The following BAZ1A variants were observed in gnomAD, a reference collection of about 807,000 sequenced individuals.
BAZ1A encodes bromodomain adjacent to zinc finger domain 1A, also known as bromodomain adjacent to zinc finger domain protein 1A.
Under a neutral mutation model 185.2 loss-of-function variants are expected in BAZ1A, and 50 were observed. The observed-to-expected ratio is 0.27, with a 90% confidence interval of 0.22 to 0.34. The LOEUF (loss-of-function observed/expected upper bound fraction) is 0.34, where lower values mean the gene tolerates loss of function less well. Ranked by LOEUF, BAZ1A falls within the 10% of genes least tolerant of loss-of-function variation. The pLI is 1.00. For missense variants in BAZ1A, 1,356 were observed against 1,839.9 expected (o/e 0.74, Z 4.81); for synonymous variants, 571 against 615.6 (o/e 0.93, Z 1.07).
At chr14:34,790,724 A>G (rs1292516043) in intron 12 of BAZ1A, among the ~76,000 whole-genome samples, 1 of 152,180 alleles carries the variant, frequency 6.6e-6, no homozygotes, top group Non-Finnish European at 1.5e-5. Context: ...ACAGAGCATT[A>G]AAACTTTTAT....
chr14:34,756,633 T>C (rs982712633), intron 25 of BAZ1A, among the ~76,000 whole-genome samples: 3 of 151,800 alleles, frequency 2.0e-5, no homozygotes, highest in Non-Finnish European at 4.4e-5. Flanking sequence ...GCTCAGCTAA[T>C]TTTTGCATTT....
intron 3 of BAZ1A, among the ~76,000 whole-genome samples, chr14:34,834,805 C>T (rs946114915): frequency 6.6e-6 from 1 of 152,098 alleles, no homozygotes; most frequent in East Asian, 1.9e-4. Context: ...AAGAAGTTTA[C>T]AGGGGTGTAT....
chr14:34,866,410 C>G, intron 2 of BAZ1A, among the ~76,000 whole-genome samples: 1 of 147,840 alleles, frequency 6.8e-6, no homozygotes. Flanking sequence ...AGCACTTCAG[C>G]CCGTGAGGCC....
rs534409006 is a variant in BAZ1A at position 34,808,847 on chromosome 14, C to G, written c.639-1309G>C. On this transcript the variant is annotated intron_variant, in intron 5 of 26. Transcript: ENST00000360310. The stretch of plus-strand genomic sequence containing the variant: ...AAAAAGTAAATGTTTTAATTGAGTT[C>G]AATATATTCCTTTCAAGAAAAAGCC... Among the ~76,000 whole-genome samples the G allele has an allele frequency of 2.6e-5, 4 of 152,068 alleles. No homozygotes were observed. The South Asian group carries it at 8.3e-4, about 32-fold the overall frequency.
Position 34,776,289 on chromosome 14 carries a change from A to G in BAZ1A, c.2463T>C (p.Pro821=), listed in dbSNP as rs754423744. ...YRRYWIFPSI[P]GLFIEEDYSG... ...AATAATCCTCTTCAATAAAGAGTCC[A>G]GGAATAGAAGGGAAAATCCAGTATC... Residue 821 remains proline, a synonymous_variant, in exon 18 of 27, where the codon CCT becomes CCC. Transcript: ENST00000360310. 11 of 1,613,734 alleles carry G rather than the reference A, an allele frequency of 6.8e-6. No individual in the cohort carries two copies. The highest frequency in any genetic ancestry group is 6.7e-5 in the Admixed American group (4 of 59,954).
chr14:34,772,415 G>GCC (rs1879284950), intron 20 of BAZ1A, among the ~76,000 whole-genome samples: 1 of 151,938 alleles, frequency 6.6e-6, no homozygotes, highest in Non-Finnish European at 1.5e-5. Flanking sequence ...CAAGTAGCCC[G>GCC]CCCATGTACT....
intron 3 of BAZ1A, among the ~76,000 whole-genome samples, chr14:34,848,970 G>T (rs753555631): frequency 6.6e-6 from 1 of 152,138 alleles, no homozygotes; most frequent in Non-Finnish European, 1.5e-5. Flanking sequence ...AGCTTTTTAG[G>T]AACAGTTTAA....
intron 6 of BAZ1A, among the ~76,000 whole-genome samples, chr14:34,803,482 A>G (rs942880907): frequency 6.6e-6 from 1 of 152,056 alleles, no homozygotes; most frequent in Non-Finnish European, 1.5e-5. Context: ...TTTTTCCACT[A>G]TATAATTAAT....
At chr14:34,828,293 CA>C (rs369878009) in intron 3 of BAZ1A, among the ~76,000 whole-genome samples, 3,031 of 83,458 alleles carry the variant, frequency 0.036, 19 homozygotes, top group African/African-American at 0.064. Context: ...AACTCCGTCT[CA>C]AAAAAAAAAA....
At chr14:34,859,123 T>C (rs1043166960) in intron 3 of BAZ1A, among the ~76,000 whole-genome samples, 1 of 152,178 alleles carries the variant, frequency 6.6e-6, no homozygotes, top group Non-Finnish European at 1.5e-5. Flanking sequence ...TCACACTTCA[T>C]AGGACAGTGT....
intron 16 of BAZ1A, among the ~76,000 whole-genome samples, chr14:34,782,598 G>T (rs1331918611): frequency 6.6e-6 from 1 of 152,136 alleles, no homozygotes; most frequent in East Asian, 1.9e-4. Context: ...TGTGACCTAA[G>T]ATCTTAAGGC....
intron 9 of BAZ1A, among the ~76,000 whole-genome samples, chr14:34,797,966 C>G (rs1179795815): frequency 6.6e-6 from 1 of 152,256 alleles, no homozygotes; most frequent in East Asian, 1.9e-4. Context: ...ACACTCCTGC[C>G]CAAATACTGC....
Position 34,802,920 on chromosome 14 carries a change from G to A in BAZ1A, c.795C>T (p.Pro265=). Reference sequence around the variant, plus strand: ...TGTTAGCAGGACTGAAGATAAATGTGGGTGGATCATCAGGGAAGAAATAAG... The same window carrying A: ...TGTTAGCAGGACTGAAGATAAATGTAGGTGGATCATCAGGGAAGAAATAAG... ...DFSYFFPDDP[P]TFIFSPANRR... The change falls in exon 7 of 27, where the codon CCC becomes CCT. Residue 265 remains proline (P), a synonymous_variant. Coordinates refer to ENST00000360310, the MANE Select transcript of BAZ1A (RefSeq NM_013448.3). The A allele has an allele frequency of 6.2e-7, 1 of 1,612,542 alleles. No individual in the cohort carries two copies. Among genetic ancestry groups the A allele is most frequent in the Non-Finnish European group, 8.5e-7 (1 of 1,178,576 alleles).
At chr14:34,834,015 T>C (rs971653326) in intron 3 of BAZ1A, among the ~76,000 whole-genome samples, 23 of 152,122 alleles carry the variant, frequency 1.5e-4, no homozygotes, top group African/African-American at 5.3e-4. Flanking sequence ...CTGGTAGAAA[T>C]AAACCAGTGT....
intron 3 of BAZ1A, among the ~76,000 whole-genome samples, chr14:34,837,775 T>C (rs1363597941): frequency 6.6e-6 from 1 of 152,190 alleles, no homozygotes; most frequent in African/African-American, 2.4e-5. Context: ...AGGTATTCAA[T>C]TGTTTGTGGG....
intron 17 of BAZ1A, among the ~76,000 whole-genome samples, chr14:34,777,656 A>AG (rs1879734036): frequency 6.6e-6 from 1 of 151,496 alleles, no homozygotes; most frequent in African/African-American, 2.4e-5. Context: ...AAAAAAAAAA[A>AG]AAAGGGAAAA....
Position 34,874,248 on chromosome 14 carries a change from C to T in BAZ1A, c.113+244G>A. 4.9e-6 allele frequency: 2 copies of T among 407,880 alleles called. No homozygotes were observed. The highest frequency in any genetic ancestry group is 8.8e-6 in the Non-Finnish European group (2 of 226,830). The allele number at this position is 407,880 out of a possible 1,614,324, so 25.3% of individuals were successfully genotyped here. ...CAGCGGCTAGGAGCGGTCCCCGAGG[C>T]CGGCCAGGGACCCAGCCTCCTCCGC... On this transcript the variant is annotated intron_variant, in intron 2 of 26. Coordinates refer to ENST00000360310, the MANE Select transcript of BAZ1A (RefSeq NM_013448.3). This position sits in a 1 kb window ranked among gnomAD's most constrained non-coding sequence, Gnocchi z 4.7.
intron 14 of BAZ1A, among the ~76,000 whole-genome samples, chr14:34,784,810 G>A (rs1009449253): frequency 1.6e-4 from 24 of 149,918 alleles, no homozygotes; most frequent in South Asian, 4.2e-4. Flanking sequence ...GAGCCACCGC[G>A]CCTGGCCAAA....
Position 34,753,616 on chromosome 14 carries a change from C to T in BAZ1A, c.4563G>A (p.Arg1521=). The T allele has an allele frequency of 6.2e-7, 1 of 1,614,018 alleles. No individual in the cohort carries two copies. The highest frequency in any genetic ancestry group is 8.5e-7 in the Non-Finnish European group (1 of 1,179,938). Residue 1521 remains arginine, a synonymous_variant, in exon 27 of 27, where the codon AGG becomes AGA. Coordinates refer to ENST00000360310, the MANE Select transcript of BAZ1A (RefSeq NM_013448.3). ...CCTGAATATGAAAAAATGCTTGAAG[C>T]CTAGTTCCAGCTTTTGCTTCACTTG... The part of the protein sequence containing the change: ...RNTSEAKAGT[R]LQAFFHIQAQ...
Sources: allele counts gnomAD v4.1 joint callset (sites outside exome capture counted in the v4.1 genomes callset), GRCh38; gene constraint gnomAD v4.1.1; non-coding constraint Gnocchi (gnomAD v3.1); transcripts MANE v1.5; gene names NCBI Gene and HGNC (gene_info 2026-07-23, HGNC 2026-07-21).